Variants in COL4A6 observed in about 807,000 individuals in gnomAD.
COL4A6 encodes the protein collagen alpha-6(IV) chain.
In COL4A6, 59 loss-of-function variants were observed where a neutral mutation model predicts 126.7. The ratio of observed to expected loss-of-function variants is 0.47; its 90% CI spans 0.38 to 0.58. The LOEUF is 0.58. Ranked by LOEUF, COL4A6 falls within the 20% of genes least tolerant of loss-of-function variation. The pLI is 0.00. For synonymous variants in COL4A6, 547 were observed against 496.6 expected, an observed-to-expected ratio of 1.10 and a Z score of -1.35; for missense variants, 1,285 against 1,337.3, an observed-to-expected ratio of 0.96 and a Z score of 0.61.
chrX:108,298,997 G>T (rs1440634187), intron 3 of COL4A6, among the ~76,000 whole-genome samples: 1 of 111,317 alleles, frequency 9.0e-6, no homozygotes, highest in Non-Finnish European at 1.9e-5. Context: ...TCACTAAACT[G>T]TCTGCCACAT....
chrX:108,264,385 T>G (rs2037244544), intron 3 of COL4A6, among the ~76,000 whole-genome samples: 1 of 112,032 alleles, frequency 8.9e-6, no homozygotes, highest in Admixed American at 9.4e-5. Context: ...TGGGATCCTC[T>G]ATGTTCTTGT....
chrX:108,420,028 T>C (rs73533278), intron 2 of COL4A6, among the ~76,000 whole-genome samples: 8,254 of 111,208 alleles, frequency 0.074, 681 homozygotes, highest in African/African-American at 0.23. Context: ...GTAAGATGTT[T>C]GAGGGAAAGG....
In COL4A6 at chrX:108,171,535, A is replaced by G. The variant is rs2148083772; in HGVS notation, c.3203-74T>C. 4 of 922,660 alleles carry G rather than the reference A, an allele frequency of 4.3e-6. No individual in the cohort carries two copies. The South Asian group carries it at 6.7e-5, about 16-fold the overall frequency. The allele number at this position is 922,660 out of a possible 1,213,427, so 76.0% of individuals were successfully genotyped here. On this transcript the variant is annotated intron_variant, in intron 32 of 44. Coordinates refer to ENST00000334504, the MANE Select transcript of COL4A6 (RefSeq NM_033641.4). ...ATTTTGCACCACTGAGATCTTTTGA[A>G]CACATTTTTTTTTTCAGATTCAGTG...
chrX:108,246,170 T>C (rs1407637053), intron 3 of COL4A6, among the ~76,000 whole-genome samples: 1 of 112,221 alleles, frequency 8.9e-6, no homozygotes, highest in Admixed American at 9.4e-5. Flanking sequence ...TTTTACTTAC[T>C]ATCTGTGTGA....
intron 3 of COL4A6, among the ~76,000 whole-genome samples, chrX:108,275,035 A>G (rs2037562042): frequency 1.8e-5 from 2 of 111,211 alleles, no homozygotes; most frequent in Admixed American, 1.9e-4. Flanking sequence ...GAATTATTTT[A>G]TATTAATATA....
At chrX:108,236,529 T>C (rs1051609858) in intron 3 of COL4A6, among the ~76,000 whole-genome samples, 1 of 111,727 alleles carries the variant, frequency 9.0e-6, no homozygotes, top group African/African-American at 3.3e-5. Flanking sequence ...GTAACTATTC[T>C]GGACTGGTTG....
intron 2 of COL4A6, among the ~76,000 whole-genome samples, chrX:108,375,171 T>C (rs2040409091): frequency 9.0e-6 from 1 of 111,054 alleles, no homozygotes; most frequent in Admixed American, 9.6e-5. Context: ...AGAGCATCTC[T>C]TGGGATTAAG....
At chrX:108,200,072 T>C (rs888243260) in intron 13 of COL4A6, among the ~76,000 whole-genome samples, 2 of 112,008 alleles carry the variant, frequency 1.8e-5, no homozygotes, top group Admixed American at 9.5e-5. Context: ...CTAGAATCTA[T>C]GTGAAATGCT....
intron 11 of COL4A6, 101 bp downstream of exon 11, chrX:108,205,338 C>A: frequency 1.4e-6 from 1 of 710,025 alleles, no homozygotes; most frequent in Non-Finnish European, 2.2e-6. Flanking sequence ...TTTCCCAAGG[C>A]GAAAAAACAA....
intron 3 of COL4A6, among the ~76,000 whole-genome samples, chrX:108,232,876 A>C (rs1471774938): frequency 9.0e-6 from 1 of 110,797 alleles, no homozygotes; most frequent in African/African-American, 3.3e-5. Context: ...GAATAACCAA[A>C]CTCCAATTGT....
At chrX:108,353,714 TA>T (rs2039892785) in intron 2 of COL4A6, among the ~76,000 whole-genome samples, 1 of 111,873 alleles carries the variant, frequency 8.9e-6, no homozygotes, top group African/African-American at 3.3e-5. Flanking sequence ...GCAAGATAAG[TA>T]CTCCAGGATG....
chrX:108,416,899 G>A (rs753375335), intron 2 of COL4A6, among the ~76,000 whole-genome samples: 14 of 111,830 alleles, frequency 1.3e-4, no homozygotes, highest in Non-Finnish European at 2.6e-4. Context: ...TTAGAGAAGA[G>A]TCAAGATTCA....
chrX:108,240,489 AT>A (rs1257535605), intron 3 of COL4A6, among the ~76,000 whole-genome samples: 1 of 112,304 alleles, frequency 8.9e-6, no homozygotes, highest in East Asian at 2.8e-4. Context: ...TTCTGTTGTT[AT>A]TGTAAATGGT....
rs886762705 is a variant in COL4A6 at position 108,169,881 on chromosome X, C to T, written c.3565+64G>A. The T allele has an allele frequency of 4.8e-6, 5 of 1,037,487 alleles. No homozygotes were observed. In the African/African-American group the frequency reaches 9.4e-5, roughly 19 times the overall value. The allele number at this position is 1,037,487 out of a possible 1,213,427, so 85.5% of individuals were successfully genotyped here. A position where few individuals can be genotyped will look rare whatever the true frequency, so the allele number is the denominator to read the frequency against. On this transcript the variant is annotated intron_variant, in intron 36 of 44. Transcript: ENST00000334504. ...ATACACCACAGTCGAGAATTCATGG[C>T]CAGCCCTTGCCAGGCTTCTGGAAGA...
intron 3 of COL4A6, among the ~76,000 whole-genome samples, chrX:108,225,468 C>T (rs73253669): frequency 8.9e-6 from 1 of 112,470 alleles, no homozygotes; most frequent in Non-Finnish European, 1.9e-5. Context: ...CTCCTGCTTC[C>T]ATCTGCTCAG....
chrX:108,393,512 C>T (rs1249872685), intron 2 of COL4A6, among the ~76,000 whole-genome samples: 1 of 111,804 alleles, frequency 8.9e-6, no homozygotes, highest in Non-Finnish European at 1.9e-5. Flanking sequence ...TTGCCCACAG[C>T]TATGGGATTT....
chrX:108,383,503 G>A, intron 2 of COL4A6: 1 of 433,081 alleles, frequency 2.3e-6, no homozygotes, highest in Non-Finnish European at 4.2e-6. Context: ...GATGTTGGTG[G>A]CCCTGTTTTG....
intron 3 of COL4A6, among the ~76,000 whole-genome samples, chrX:108,261,609 C>G (rs1168055255): frequency 1.8e-5 from 2 of 111,387 alleles, no homozygotes; most frequent in Non-Finnish European, 3.8e-5. Flanking sequence ...ATCCCACAGT[C>G]ACCTCTCACC....
chrX:108,272,207 C>A (rs950155197), intron 3 of COL4A6, among the ~76,000 whole-genome samples: 1 of 111,677 alleles, frequency 9.0e-6, no homozygotes, highest in Admixed American at 9.5e-5. Context: ...AACTTCCTGG[C>A]CTCTAGGTTT....
Sources: allele counts gnomAD v4.1 joint callset (sites outside exome capture counted in the v4.1 genomes callset), GRCh38; gene constraint gnomAD v4.1.1; transcripts MANE v1.5; gene names NCBI Gene and HGNC (gene_info 2026-07-23, HGNC 2026-07-21).